KCNQ3: variants seen among roughly 807,000 people sequenced by gnomAD.
KCNQ3 encodes potassium voltage-gated channel subfamily KQT member 3.
A neutral mutation model predicts 92.5 loss-of-function variants in KCNQ3; 30 were observed. The observed-to-expected ratio is 0.32, with a 90% CI of 0.24 to 0.44. The LOEUF (loss-of-function observed/expected upper bound fraction) is 0.44. KCNQ3 is among the 20% of genes least tolerant of loss of function. The pLI, the probability that KCNQ3 is intolerant of heterozygous loss-of-function variation, is 1.00. For synonymous variants in KCNQ3, 450 were observed against 468.8 expected, an observed-to-expected ratio of 0.96 and a Z score of 0.52; for missense variants, 913 against 1,140.3, an observed-to-expected ratio of 0.80 and a Z score of 2.87.
At chr8:132,297,076 A>G (rs201393885) in intron 1 of KCNQ3, among the ~76,000 whole-genome samples, 8 of 152,210 alleles carry the variant, frequency 5.3e-5, no homozygotes, top group East Asian at 3.9e-4. Flanking sequence ...TTTAATGATC[A>G]CCATTCTAAC....
intron 1 of KCNQ3, among the ~76,000 whole-genome samples, chr8:132,434,265 T>C: frequency 6.6e-6 from 1 of 152,040 alleles, no homozygotes; most frequent in South Asian, 2.1e-4. Context: ...ATGATATTTT[T>C]AAGTTGCTAA....
At chr8:132,258,773 A>C (rs868822270) in intron 1 of KCNQ3, among the ~76,000 whole-genome samples, 1 of 152,088 alleles carries the variant, frequency 6.6e-6, no homozygotes, top group African/African-American at 2.4e-5. Flanking sequence ...TGACAAGGAA[A>C]AAGGAGAAGA....
At chr8:132,277,922 C>A (rs753648386) in intron 1 of KCNQ3, 2 of 984,522 alleles carry the variant, frequency 2.0e-6, no homozygotes, top group African/African-American at 3.5e-5. Flanking sequence ...ACCTCCCTCT[C>A]CTTAGCTTCT....
At chr8:132,351,663 G>A (rs569759107) in intron 1 of KCNQ3, among the ~76,000 whole-genome samples, 1 of 152,330 alleles carries the variant, frequency 6.6e-6, no homozygotes, top group East Asian at 1.9e-4. Flanking sequence ...AGGGCAGGGA[G>A]CTTTGCCCTT....
At chr8:132,319,113 G>A (rs1360296620) in intron 1 of KCNQ3, among the ~76,000 whole-genome samples, 1 of 152,244 alleles carries the variant, frequency 6.6e-6, no homozygotes, top group Non-Finnish European at 1.5e-5. Flanking sequence ...GAAAGGGCAT[G>A]TCTGGGGGAA....
chr8:132,347,565 C>T (rs60824366), intron 1 of KCNQ3, among the ~76,000 whole-genome samples: 37,493 of 152,006 alleles, frequency 0.25, 5,245 homozygotes, highest in African/African-American at 0.38. Flanking sequence ...AAGGACAGGC[C>T]CCTCAGAGCA....
chr8:132,396,994 G>C (rs1480250291), intron 1 of KCNQ3, among the ~76,000 whole-genome samples: 1 of 151,852 alleles, frequency 6.6e-6, no homozygotes, highest in Non-Finnish European at 1.5e-5. Context: ...GAGAGAGAGA[G>C]AGAGAGATTT....
At position 132,407,112 on chromosome 8, in the gene KCNQ3, T is replaced by C. The variant is rs879919672; in HGVS notation, c.386+73035A>G. Among the ~76,000 whole-genome samples the C allele has an allele frequency of 1.6e-3, 249 of 152,218 alleles. 3 individuals carry two copies. Among genetic ancestry groups the C allele is most frequent in the Non-Finnish European group, 6.9e-4 (47 of 68,014 alleles). ...AGACATTCCTGCACAGACAGGCAGGTCCTGCCGAGGAAGAGAGAGAAAAAG... is the reference window on the plus strand; with the variant it reads ...AGACATTCCTGCACAGACAGGCAGGCCCTGCCGAGGAAGAGAGAGAAAAAG... On this transcript the variant is annotated intron_variant, in intron 1 of 14. Coordinates refer to ENST00000388996, the MANE Select transcript of KCNQ3 (RefSeq NM_004519.4).
intron 9 of KCNQ3, among the ~76,000 whole-genome samples, chr8:132,148,566 C>A (rs1825533886): frequency 6.6e-6 from 1 of 152,248 alleles, no homozygotes; most frequent in African/African-American, 2.4e-5. Flanking sequence ...AAGGGATCCT[C>A]AGACAGCTGA....
At chr8:132,310,674 T>A (rs554810094) in intron 1 of KCNQ3, among the ~76,000 whole-genome samples, 2 of 152,346 alleles carry the variant, frequency 1.3e-5, no homozygotes, top group African/African-American at 4.8e-5. Flanking sequence ...CAGCTGAACA[T>A]CTTAAATATG....
At chr8:132,387,790 C>T (rs1819926738) in intron 1 of KCNQ3, among the ~76,000 whole-genome samples, 1 of 152,064 alleles carries the variant, frequency 6.6e-6, no homozygotes, top group African/African-American at 2.4e-5. Context: ...CTCTTGAGTC[C>T]AGGAGTCTGA....
intron 7 of KCNQ3, 108 bp downstream of exon 7, chr8:132,172,490 G>A (rs1411206673): frequency 2.0e-6 from 2 of 1,007,316 alleles, no homozygotes; most frequent in Admixed American, 1.7e-5. Context: ...CCCAGTTCAT[G>A]AGTATGTCCC....
chr8:132,336,317 A>G (rs548831256), intron 1 of KCNQ3, among the ~76,000 whole-genome samples: 64 of 152,274 alleles, frequency 4.2e-4, no homozygotes, highest in African/African-American at 1.5e-3. Context: ...GCCACACACC[A>G]TCTAACACCT....
chr8:132,303,796 ATG>A (rs1291750062), intron 1 of KCNQ3, among the ~76,000 whole-genome samples: 19 of 149,038 alleles, frequency 1.3e-4, no homozygotes, highest in Non-Finnish European at 2.8e-4. Flanking sequence ...AAAATATTAC[ATG>A]TGTGTATAGA....
chr8:132,417,717 C>T (rs968385788), intron 1 of KCNQ3, among the ~76,000 whole-genome samples: 3 of 152,206 alleles, frequency 2.0e-5, no homozygotes, highest in African/African-American at 7.2e-5. Flanking sequence ...CCAGGCATGG[C>T]ACTGAATAAG....
At position 132,249,733 on chromosome 8, in the gene KCNQ3, G is replaced by A. The variant is rs138827809; in HGVS notation, c.387-63552C>T. ...GGCGGTGCTCGTTGGGGAGGCTTGG[G>A]CTGTGCAGGAGCCCACGGCTAGGGG... On this transcript the variant is annotated intron_variant, in intron 1 of 14. Transcript: ENST00000388996. 3.6e-4 allele frequency among the ~76,000 whole-genome samples: 55 copies of A among 152,304 alleles called. No homozygotes were observed. The East Asian group carries it at 0.01, about 29-fold the overall frequency.
intron 1 of KCNQ3, among the ~76,000 whole-genome samples, chr8:132,460,698 T>C (rs139022690): frequency 2.6e-5 from 4 of 152,358 alleles, no homozygotes; most frequent in African/African-American, 9.6e-5. Context: ...CTTGTCACCA[T>C]CTGCATCCCT....
At chr8:132,236,479 G>C (rs1814819302) in intron 1 of KCNQ3, among the ~76,000 whole-genome samples, 1 of 152,120 alleles carries the variant, frequency 6.6e-6, no homozygotes, top group Non-Finnish European at 1.5e-5. Context: ...GAATGACTGA[G>C]ATTAATGCTA....
chr8:132,194,237 G>C (rs952497862), intron 1 of KCNQ3, among the ~76,000 whole-genome samples: 1 of 152,190 alleles, frequency 6.6e-6, no homozygotes, highest in African/African-American at 2.4e-5. Flanking sequence ...GTCATAGTTA[G>C]CTGCACTTGT....
Sources: gnomAD v4.1 joint callset for allele counts (sites outside exome capture counted in the v4.1 genomes callset) on GRCh38, gnomAD v4.1.1 for gene constraint, MANE v1.5 for transcripts, NCBI Gene and HGNC (gene_info 2026-07-23, HGNC 2026-07-21) for gene names.